APPBP2: variants seen among roughly 807,000 people sequenced by gnomAD.
APPBP2 encodes the protein amyloid beta precursor protein binding protein 2, also known as amyloid protein-binding protein 2.
A neutral mutation model predicts 76.0 loss-of-function variants in APPBP2; 15 were observed. That is an observed-to-expected ratio of 0.20 (90% CI 0.13 to 0.30). The LOEUF is 0.30. APPBP2 is among the 10% of genes least tolerant of loss of function. APPBP2 has a pLI of 1.00. For synonymous variants in APPBP2, 222 were observed against 242.2 expected, an observed-to-expected ratio of 0.92 and a Z score of 0.77; for missense variants, 401 against 687.2, an observed-to-expected ratio of 0.58 and a Z score of 4.66.
intron 1 of APPBP2, among the ~76,000 whole-genome samples, chr17:60,514,123 G>A (rs1243875547): frequency 1.3e-5 from 2 of 151,440 alleles, no homozygotes; most frequent in African/African-American, 2.4e-5. Flanking sequence ...CCTGAACAAT[G>A]CGGCAAAATC....
chr17:60,447,513 G>A lies in APPBP2; in HGVS notation c.*68C>T, dbSNP rs1206420607. On this transcript the variant is annotated 3_prime_UTR_variant, in exon 13 of 13. Coordinates refer to ENST00000083182, the MANE Select transcript of APPBP2 (RefSeq NM_006380.5). Reference sequence around the variant, plus strand: ...AAATTCCAGCCCCCCAAAACAACATGGTTTTGATTTCACAGTATGAATTCC... The same window carrying A: ...AAATTCCAGCCCCCCAAAACAACATAGTTTTGATTTCACAGTATGAATTCC... 1.3e-6 allele frequency: 2 copies of A among 1,517,676 alleles called. No individual in the cohort carries two copies. The highest frequency in any genetic ancestry group is 8.8e-7 in the Non-Finnish European group (1 of 1,131,388). 94.0% of individuals were successfully genotyped at this position (1,517,676 alleles called of 1,614,324 possible). A position where few individuals can be genotyped will look rare whatever the true frequency, so the allele number is the denominator to read the frequency against.
chr17:60,451,140 T>C (rs928651166), intron 12 of APPBP2, among the ~76,000 whole-genome samples: 3 of 152,220 alleles, frequency 2.0e-5, no homozygotes, highest in African/African-American at 7.2e-5. Context: ...ATCACAGATT[T>C]CACCATTATT....
At chr17:60,451,634 C>G (rs1266682646) in intron 12 of APPBP2, among the ~76,000 whole-genome samples, 1 of 151,952 alleles carries the variant, frequency 6.6e-6, no homozygotes, top group East Asian at 1.9e-4. Flanking sequence ...CCATCATGCC[C>G]AGCTAATTTG....
intron 4 of APPBP2, among the ~76,000 whole-genome samples, chr17:60,472,927 C>G (rs2090563807): frequency 6.6e-6 from 1 of 152,026 alleles, no homozygotes; most frequent in Admixed American, 6.6e-5. Context: ...TTATCAATAT[C>G]CCTTTTGTAT....
At chr17:60,489,096 C>T (rs1385571399) in intron 3 of APPBP2, among the ~76,000 whole-genome samples, 2 of 151,860 alleles carry the variant, frequency 1.3e-5, no homozygotes, top group African/African-American at 4.8e-5. Flanking sequence ...GTGGCAGGTG[C>T]CTATAATCCC....
intron 3 of APPBP2, among the ~76,000 whole-genome samples, chr17:60,491,308 C>A (rs949121662): frequency 2.6e-5 from 4 of 152,158 alleles, no homozygotes; most frequent in African/African-American, 7.2e-5. Context: ...ATGTGTGGAA[C>A]CTTTAACTTG....
At chr17:60,490,006 G>C (rs1182906219) in intron 3 of APPBP2, among the ~76,000 whole-genome samples, 2 of 152,120 alleles carry the variant, frequency 1.3e-5, no homozygotes, top group Non-Finnish European at 2.9e-5. Context: ...CTGCACTCCA[G>C]CCTGGGTGAT....
intron 4 of APPBP2, chr17:60,468,610 T>C (rs768557126): frequency 2.0e-5 from 3 of 152,112 alleles, no homozygotes; most frequent in Non-Finnish European, 2.9e-5. Flanking sequence ...CCCTGCTGAA[T>C]GTCTATTTAA....
chr17:60,462,905 C>A (rs938342196), intron 6 of APPBP2, among the ~76,000 whole-genome samples: 2 of 148,134 alleles, frequency 1.4e-5, no homozygotes, highest in Admixed American at 1.4e-4. Context: ...GACCCGAGAT[C>A]GCGCCACTGC....
chr17:60,445,000 A>T lies in APPBP2; in HGVS notation c.*2581T>A, dbSNP rs571187153. The T allele has an allele frequency of 6.6e-6, 1 of 152,354 alleles. No homozygotes were observed. Among genetic ancestry groups the T allele is most frequent in the East Asian group, 1.9e-4 (1 of 5,188 alleles). The allele number at this position is 152,354 out of a possible 1,614,324, so 9.4% of individuals were successfully genotyped here. ...TTTTATTATTTTCTTCAAGATTTTT[A>T]AGAAACCCAATAAATCATAGTGGCA... On this transcript the variant is annotated 3_prime_UTR_variant, in exon 13 of 13. Transcript: ENST00000083182.
At chr17:60,486,014 C>T (rs896154111) in intron 3 of APPBP2, among the ~76,000 whole-genome samples, 16 of 152,088 alleles carry the variant, frequency 1.1e-4, no homozygotes, top group African/African-American at 3.1e-4. Flanking sequence ...TGGTTTTGAG[C>T]GACTTTCTTA....
intron 2 of APPBP2, among the ~76,000 whole-genome samples, chr17:60,497,014 C>A (rs894790294): frequency 6.6e-6 from 1 of 152,212 alleles, no homozygotes; most frequent in Non-Finnish European, 1.5e-5. Context: ...AGCCACCACG[C>A]CCAGCCGACT....
At chr17:60,496,286 AGT>A (rs1339202296) in intron 2 of APPBP2, 1 of 152,258 alleles carries the variant, frequency 6.6e-6, no homozygotes, top group African/African-American at 2.4e-5. Context: ...TGAATTTTAT[AGT>A]GTGTGAATCA....
At chr17:60,494,752 T>C in intron 2 of APPBP2, 135 bp from the exon 3 acceptor site, 1 of 816,212 alleles carries the variant, frequency 1.2e-6, no homozygotes. Context: ...TTTTGCCTTA[T>C]CAATTACAAG....
chr17:60,446,605 T>G lies in APPBP2; in HGVS notation c.*976A>C, dbSNP rs998259547. ...AACTGCATTGATTATTAGGGCAACA[T>G]TTAAAATGAGGGGGATGGCTGCAGC... On this transcript the variant is annotated 3_prime_UTR_variant, in exon 13 of 13. Transcript: ENST00000083182. 1.3e-5 allele frequency: 2 copies of G among 152,214 alleles called. No homozygotes were observed. The highest frequency in any genetic ancestry group is 2.9e-5 in the Non-Finnish European group (2 of 68,028). 9.4% of individuals were successfully genotyped at this position (152,214 alleles called of 1,614,324 possible).
intron 4 of APPBP2, among the ~76,000 whole-genome samples, chr17:60,474,943 A>G (rs1251281885): frequency 6.6e-6 from 1 of 152,074 alleles, no homozygotes; most frequent in African/African-American, 2.4e-5. Flanking sequence ...TTAAAATAAA[A>G]TAGAGGCCAG....
chr17:60,477,285 AAC>A (rs2090597656), intron 4 of APPBP2, among the ~76,000 whole-genome samples: 3 of 152,214 alleles, frequency 2.0e-5, no homozygotes, highest in African/African-American at 7.2e-5. Flanking sequence ...AATCAGAAGA[AAC>A]ACAGGTATTT....
chr17:60,511,000 G>A (rs2090907845), intron 1 of APPBP2, among the ~76,000 whole-genome samples: 1 of 152,116 alleles, frequency 6.6e-6, no homozygotes, highest in African/African-American at 2.4e-5. Flanking sequence ...TATTTACCCA[G>A]ATGCTCCAAC....
Position 60,446,653 on chromosome 17 carries a change from G to A in APPBP2, c.*928C>T, listed in dbSNP as rs2090349582. The A allele has an allele frequency of 6.6e-6, 1 of 152,170 alleles. No homozygotes were observed. The highest frequency in any genetic ancestry group is 6.5e-5 in the Admixed American group (1 of 15,280). 9.4% of individuals were successfully genotyped at this position (152,170 alleles called of 1,614,324 possible). The stretch of plus-strand genomic sequence containing the variant: ...AGCCGATATTTATAGACTTGCTTAT[G>A]GCACTGCCATCTGTGTACCTTGACT... On this transcript the variant is annotated 3_prime_UTR_variant, in exon 13 of 13. Coordinates refer to ENST00000083182, the MANE Select transcript of APPBP2 (RefSeq NM_006380.5).
Sources: gnomAD v4.1 joint callset for allele counts (sites outside exome capture counted in the v4.1 genomes callset) on GRCh38, gnomAD v4.1.1 for gene constraint, MANE v1.5 for transcripts, NCBI Gene and HGNC (gene_info 2026-07-23, HGNC 2026-07-21) for gene names.